The following ZNF395 variants were observed in gnomAD, a reference collection of about 807,000 sequenced individuals.
ZNF395 encodes HD gene regulatory region-binding protein 2.
Under a neutral mutation model 57.7 loss-of-function variants are expected in ZNF395, and 20 were observed. That is an observed-to-expected ratio of 0.35 (90% CI 0.24 to 0.50). ZNF395 has a LOEUF of 0.50. ZNF395 is among the 20% of genes least tolerant of loss of function. The pLI is 0.97. For missense variants in ZNF395, 606 were observed against 671.2 expected (o/e 0.90, Z 1.07); for synonymous variants, 295 against 275.9 (o/e 1.07, Z -0.69).
rs1304183344 is a variant in ZNF395 at position 28,356,529 on chromosome 8, C to G, written c.583+141G>C. ...AAGCATCTAACTCCATGGCATGCAG[C>G]CGGTCAGAGGTGCCAGTGGGAGGTG... On this transcript the variant is annotated intron_variant, in intron 4 of 9. Coordinates refer to ENST00000344423, the MANE Select transcript of ZNF395 (RefSeq NM_018660.3). This position sits in a 1 kb window ranked among gnomAD's most constrained non-coding sequence, Gnocchi z 4.0. 8.3e-6 allele frequency: 5 copies of G among 605,294 alleles called. No individual in the cohort carries two copies. Among genetic ancestry groups the G allele is most frequent in the African/African-American group, 5.6e-5 (3 of 53,538 alleles). 37.5% of individuals were successfully genotyped at this position (605,294 alleles called of 1,614,324 possible).
At chr8:28,367,865 C>A (rs1345769550) in intron 1 of ZNF395, among the ~76,000 whole-genome samples, 1 of 152,168 alleles carries the variant, frequency 6.6e-6, no homozygotes, top group East Asian at 1.9e-4. Flanking sequence ...CTGCTGCTGG[C>A]CCTAAAATGA....
Position 28,349,966 on chromosome 8 carries a change from GCCACGTGC to G in ZNF395, c.1326+90_1326+97del, listed in dbSNP as rs1585849737. On this transcript the variant is annotated intron_variant, in intron 8 of 9. Transcript: ENST00000344423. ...AGCAAGATGGCCACACCGACCTGTG[GCCACGTGC>G]CCCGTGCCCAAGGGATGGCCTCCAG... The G allele has an allele frequency of 1.3e-5, 15 of 1,127,434 alleles. No individual in the cohort carries two copies. The East Asian group carries it at 3.9e-4, about 29-fold the overall frequency. 69.8% of individuals were successfully genotyped at this position (1,127,434 alleles called of 1,614,324 possible).
Position 28,353,183 on chromosome 8 carries a change from C to T in ZNF395, c.809G>A (p.Arg270Gln), listed in dbSNP as rs775651845. The change falls in exon 5 of 10, where the codon CGA becomes CAA. Residue 270 changes from arginine to glutamine, a missense_variant. Around this residue, in one of 3 missense-constraint regions of ZNF395, gnomAD observed 309 missense variants for 374.7 expected, o/e 0.82. Coordinates refer to ENST00000344423, the MANE Select transcript of ZNF395 (RefSeq NM_018660.3). ...DPFLLDEPAP[R>Q]KRKNSVKVMY... is the part of the protein sequence containing the mutation. ...ACCACAATCACGTACCTTTCTTTTT[C>T]GTGGAGCTGGTTCGTCCAGCAGGAA... 7.4e-6 allele frequency: 12 copies of T among 1,613,596 alleles called. No individual in the cohort carries two copies. The East Asian group carries it at 1.3e-4, about 18-fold the overall frequency.
At chr8:28,363,408 A>G (rs1801873823) in intron 1 of ZNF395, among the ~76,000 whole-genome samples, 1 of 152,114 alleles carries the variant, frequency 6.6e-6, no homozygotes, top group South Asian at 2.1e-4. Context: ...TGCTGGGATT[A>G]CAGGCATGAG....
intron 1 of ZNF395, among the ~76,000 whole-genome samples, chr8:28,367,653 G>A (rs147540755): frequency 6.6e-6 from 1 of 152,108 alleles, no homozygotes; most frequent in East Asian, 1.9e-4. Flanking sequence ...CTTTGTTCAC[G>A]ACTCTCTGGA....
intron 5 of ZNF395, 69 bp downstream of exon 5, chr8:28,353,104 C>G: frequency 1.3e-6 from 2 of 1,515,710 alleles, no homozygotes; most frequent in Admixed American, 1.7e-5. Context: ...CTGCTCTCCA[C>G]GGCTGGCTGT....
At chr8:28,351,421 C>T (rs542024215) in intron 7 of ZNF395, 74 bp downstream of exon 7, 61 of 1,482,178 alleles carry the variant, frequency 4.1e-5, no homozygotes, top group Non-Finnish European at 5.2e-5. Flanking sequence ...TCAGGGTGGT[C>T]GGTAGCCTGT....
intron 9 of ZNF395, 88 bp from the exon 10 acceptor site, chr8:28,348,918 G>T: frequency 7.1e-7 from 1 of 1,402,712 alleles, no homozygotes; most frequent in Non-Finnish European, 1.0e-6. Flanking sequence ...ACAAGCAGAG[G>T]CCAAAGGGGC....
At chr8:28,385,479 G>C (rs568037198) in intron 1 of ZNF395, 2 of 150,558 alleles carry the variant, frequency 1.3e-5, no homozygotes, top group African/African-American at 2.5e-5. Flanking sequence ...AGGCGGGACC[G>C]GGCGAGAGCG....
At chr8:28,357,887 C>A (rs1801799756) in intron 3 of ZNF395, among the ~76,000 whole-genome samples, 1 of 152,110 alleles carries the variant, frequency 6.6e-6, no homozygotes, top group African/African-American at 2.4e-5. Flanking sequence ...GACAGATTTT[C>A]CTTTTAAATC....
chr8:28,359,448 C>A lies in ZNF395; in HGVS notation c.473+144G>T. Reference sequence around the variant, plus strand: ...CACTCTGGTTTTCTTAAAAGATTCCCCTTTTCTGTGTCCCATTTGTCCCAA... The same window carrying A: ...CACTCTGGTTTTCTTAAAAGATTCCACTTTTCTGTGTCCCATTTGTCCCAA... On this transcript the variant is annotated intron_variant, in intron 3 of 9. Coordinates refer to ENST00000344423, the MANE Select transcript of ZNF395 (RefSeq NM_018660.3). The surrounding 1 kb of genome is among the most constrained non-coding windows in gnomAD (Gnocchi z 4.7). 8.5e-7 allele frequency: 1 copy of A among 1,176,222 alleles called. No homozygotes were observed. Among genetic ancestry groups the A allele is most frequent in the East Asian group, 2.6e-5 (1 of 38,840 alleles). The allele number at this position is 1,176,222 out of a possible 1,614,324, so 72.9% of individuals were successfully genotyped here.
intron 3 of ZNF395, among the ~76,000 whole-genome samples, chr8:28,357,237 T>C (rs1359519029): frequency 6.6e-6 from 1 of 152,120 alleles, no homozygotes; most frequent in Non-Finnish European, 1.5e-5. Context: ...CATATTTAAA[T>C]TTAAGAGGGA....
chr8:28,361,241 C>T, intron 1 of ZNF395, 59 bp from the exon 2 acceptor site: 2 of 1,438,312 alleles, frequency 1.4e-6, no homozygotes, highest in Non-Finnish European at 1.9e-6. Flanking sequence ...CAGGAAGGGT[C>T]TACTAAAATA....
rs181829263 is a variant in ZNF395 at position 28,384,573 on chromosome 8, C to G, written c.-59+1820G>C. ...AGAAGCCCTGGAGGGAGGGAATCATCTCTTACACCTTCTGTCTCCTCTCTC... is the reference window on the plus strand; with the variant it reads ...AGAAGCCCTGGAGGGAGGGAATCATGTCTTACACCTTCTGTCTCCTCTCTC... On this transcript the variant is annotated intron_variant, in intron 1 of 9. Transcript: ENST00000344423. 8.4e-4 allele frequency among the ~76,000 whole-genome samples: 128 copies of G among 152,336 alleles called. 1 individual carries two copies. Among genetic ancestry groups the G allele is most frequent in the Non-Finnish European group, 1.3e-4 (9 of 68,018 alleles).
At chr8:28,357,218 T>C (rs1308466376) in intron 3 of ZNF395, among the ~76,000 whole-genome samples, 1 of 152,176 alleles carries the variant, frequency 6.6e-6, no homozygotes, top group African/African-American at 2.4e-5. Context: ...TTACCTCCTT[T>C]CCTTGTCCCA....
At chr8:28,364,382 G>A (rs1801885022) in intron 1 of ZNF395, among the ~76,000 whole-genome samples, 1 of 152,170 alleles carries the variant, frequency 6.6e-6, no homozygotes, top group South Asian at 2.1e-4. Context: ...CAGGTGCAGT[G>A]GCTCACGCCT....
rs1801628516 is a variant in ZNF395, at chr8:28,347,996, A to T, written c.*723T>A. ...ACATTCCAAAAAGTGAATTCTGATC[A>T]GCCTTTTGGCTCAGCTATTTGGCGA... On this transcript the variant is annotated 3_prime_UTR_variant, in exon 10 of 10. Transcript: ENST00000344423. 1 of 152,262 alleles carries T rather than the reference A, an allele frequency of 6.6e-6. No homozygotes were observed. The highest frequency in any genetic ancestry group is 1.5e-5 in the Non-Finnish European group (1 of 68,060). The allele number at this position is 152,262 out of a possible 1,614,324, so 9.4% of individuals were successfully genotyped here. A position where few individuals can be genotyped will look rare whatever the true frequency, so the allele number is the denominator to read the frequency against.
intron 1 of ZNF395, among the ~76,000 whole-genome samples, chr8:28,374,647 C>T (rs1802019410): frequency 6.6e-6 from 1 of 152,114 alleles, no homozygotes; most frequent in Non-Finnish European, 1.5e-5. Flanking sequence ...TTCAATATTA[C>T]AAGCCCAACT....
In ZNF395 at chr8:28,386,382, G is replaced by A. The variant is rs1016626036; in HGVS notation, c.-59+11C>T. 2.9e-5 allele frequency: 4 copies of A among 138,984 alleles called. No homozygotes were observed. The highest frequency in any genetic ancestry group is 6.1e-5 in the Non-Finnish European group (4 of 65,906). The allele number at this position is 138,984 out of a possible 1,614,324, so 8.6% of individuals were successfully genotyped here. A position where few individuals can be genotyped will look rare whatever the true frequency, so the allele number is the denominator to read the frequency against. On this transcript the variant is annotated intron_variant, in intron 1 of 9. Coordinates refer to ENST00000344423, the MANE Select transcript of ZNF395 (RefSeq NM_018660.3). ...CGCCCAGCACGCCCCCAGCGCGCCT[G>A]GGCTACACACCCCCGGCCGCCCGTA...
Sources: gnomAD v4.1 joint callset for allele counts (sites outside exome capture counted in the v4.1 genomes callset) on GRCh38, gnomAD v4.1.1 for gene constraint, gnomAD v4.1.1 regional missense constraint, Gnocchi (gnomAD v3.1) non-coding constraint, MANE v1.5 for transcripts, NCBI Gene and HGNC (gene_info 2026-07-23, HGNC 2026-07-21) for gene names.